The following KIFC3 variants were observed in gnomAD, a reference collection of about 807,000 sequenced individuals.
KIFC3 encodes kinesin family member C3, also known as kinesin-like protein KIFC3.
In KIFC3, 60 loss-of-function variants were observed where a neutral mutation model predicts 101.8. That is an observed-to-expected ratio of 0.59 (90% CI 0.48 to 0.73). The LOEUF is 0.73. Among genes scored for constraint, KIFC3 ranks in the 30% least tolerant of loss-of-function variants. The pLI, the probability that KIFC3 is intolerant of heterozygous loss-of-function variation, is 0.00. For synonymous variants in KIFC3, 476 were observed against 482.7 expected (o/e 0.99, Z 0.18); for missense variants, 966 against 1,137.1 (o/e 0.85, Z 2.16).
At position 57,834,707 on chromosome 16, in the gene KIFC3, G is replaced by A. The variant is rs79505070; in HGVS notation, c.108+28022C>T. 7.6e-3 allele frequency among the ~76,000 whole-genome samples: 1,149 copies of A among 152,014 alleles called. 12 individuals are homozygous for A. The highest frequency in any genetic ancestry group is 0.012 in the Non-Finnish European group (820 of 67,984). ...TTTATTTTTTATTTTTGTAGAGACC[G>A]GGTCTCACTATATTGGCCAGGTTGG... On this transcript the variant is annotated intron_variant, in intron 1 of 2. Transcript: ENST00000563028.
In KIFC3 at chr16:57,812,110, C is replaced by T. The variant is rs540680559; in HGVS notation, c.109-13828G>A. 2.0e-4 allele frequency among the ~76,000 whole-genome samples: 30 copies of T among 149,550 alleles called. No homozygotes were observed. In the South Asian group the frequency reaches 5.3e-3, roughly 26 times the overall value. On this transcript the variant is annotated intron_variant, in intron 1 of 2. Coordinates refer to the KIFC3 transcript ENST00000563028. ...AGGCTGGAGTGCAGTGGCGCGATCT[C>T]GGCTCACTGGAGGCTCCATCCCCTA...
intron 3 of KIFC3, among the ~76,000 whole-genome samples, chr16:57,777,592 G>C (rs2149044581): frequency 6.6e-6 from 1 of 152,228 alleles, no homozygotes; most frequent in Non-Finnish European, 1.5e-5. Context: ...CTCATGGCAG[G>C]CGCCTGTAAT....
intron 1 of KIFC3, among the ~76,000 whole-genome samples, chr16:57,829,158 A>T (rs2149290777): frequency 6.6e-6 from 1 of 152,382 alleles, no homozygotes; most frequent in Non-Finnish European, 1.5e-5. Flanking sequence ...TAATGATTTC[A>T]TATATAAAAT....
At chr16:57,857,810 C>T (rs1195004966) in intron 1 of KIFC3, among the ~76,000 whole-genome samples, 17 of 95,482 alleles carry the variant, frequency 1.8e-4, no homozygotes, top group South Asian at 3.8e-4. Flanking sequence ...TCTTTTCTTT[C>T]TTTCTTTCTT....
intron 3 of KIFC3, chr16:57,774,984 A>G: frequency 2.6e-6 from 4 of 1,533,932 alleles, no homozygotes; most frequent in Non-Finnish European, 3.5e-6. Context: ...ACTAACCTTG[A>G]TCATCTCCAC....
intron 1 of KIFC3, among the ~76,000 whole-genome samples, chr16:57,821,504 G>A (rs138460061): frequency 6.6e-6 from 1 of 151,990 alleles, no homozygotes; most frequent in Non-Finnish European, 1.5e-5. Context: ...CTTGAATTAG[G>A]AGGCAGTGAT....
chr16:57,764,291 G>A, intron 11 of KIFC3, 44 bp from the exon 12 acceptor site: 2 of 1,226,268 alleles, frequency 1.6e-6, no homozygotes, highest in Non-Finnish European at 2.3e-6. Flanking sequence ...GGCTTCCAGG[G>A]CCGCTGGGAC....
intron 1 of KIFC3, chr16:57,813,515 T>C (rs1269612978): frequency 2.5e-5 from 5 of 201,080 alleles, no homozygotes; most frequent in African/African-American, 1.2e-4. Context: ...CATGCCCACC[T>C]CCTGGGGCAA....
intron 1 of KIFC3, chr16:57,810,711 G>A: frequency 1.0e-6 from 1 of 984,984 alleles, no homozygotes; most frequent in Non-Finnish European, 1.2e-6. Context: ...ACAGCTTCAT[G>A]CCAGGCAAAG....
chr16:57,815,474 G>A, intron 1 of KIFC3: 3 of 1,223,590 alleles, frequency 2.5e-6, no homozygotes, highest in Non-Finnish European at 3.1e-6. Context: ...ACAAGACTCT[G>A]CCCATCACCC....
intron 1 of KIFC3, among the ~76,000 whole-genome samples, chr16:57,826,966 AGCT>A (rs1470979329): frequency 5.9e-5 from 9 of 152,314 alleles, no homozygotes; most frequent in East Asian, 1.9e-4. Context: ...CCCTCCCTGC[AGCT>A]GCTGCCTTGG....
intron 3 of KIFC3, among the ~76,000 whole-genome samples, chr16:57,792,001 G>C (rs966797821): frequency 6.6e-6 from 1 of 152,160 alleles, no homozygotes; most frequent in Non-Finnish European, 1.5e-5. Context: ...TCAGGGGCTG[G>C]GACAACAAGC....
chr16:57,766,858 G>C lies in KIFC3; in HGVS notation c.1330+16C>G, dbSNP rs782297232. The C allele has an allele frequency of 9.4e-6, 15 of 1,594,892 alleles. No homozygotes were observed. Among genetic ancestry groups the C allele is most frequent in the Non-Finnish European group, 1.3e-5 (15 of 1,170,656 alleles). On this transcript the variant is annotated intron_variant, in intron 10 of 19. Transcript: ENST00000445690. The stretch of plus-strand genomic sequence containing the variant: ...ACCCCGAGGCCAGCGCCCACCCCCA[G>C]CCCTCCTGCAGTCACCTTTCAGCCG...
intron 3 of KIFC3, chr16:57,775,343 C>T: frequency 8.8e-7 from 1 of 1,141,040 alleles, no homozygotes; most frequent in Non-Finnish European, 1.1e-6. Flanking sequence ...GACTGAGACG[C>T]AGCAGACTGG....
chr16:57,760,842 C>T lies in KIFC3; in HGVS notation c.2116G>A (p.Asp706Asn). 6.2e-7 allele frequency: 1 copy of T among 1,613,242 alleles called. No homozygotes were observed. The highest frequency in any genetic ancestry group is 8.5e-7 in the Non-Finnish European group (1 of 1,179,986). ...CGGGAGCGCAGGGCAGCAATGACGTCCCCCAGAGCCGACAGCGACTTGTTG... is the reference window on the plus strand; with the variant it reads ...CGGGAGCGCAGGGCAGCAATGACGTTCCCCAGAGCCGACAGCGACTTGTTG... The part of the protein sequence containing the change: ...HINKSLSALG[D>N]VIAALRSRQG... Residue 706 changes from aspartate (D) to asparagine (N), a missense_variant, in exon 16 of 20, where the codon GAC becomes AAC. Asp to Asn is a conservative substitution (Grantham distance 23). This residue lies in a region of KIFC3 where 689 missense variants were observed against 884.6 expected (regional missense o/e 0.78). Coordinates refer to ENST00000445690, the MANE Select transcript of KIFC3 (RefSeq NM_001130100.2).
At chr16:57,776,255 C>A in intron 3 of KIFC3, 3 of 985,508 alleles carry the variant, frequency 3.0e-6, no homozygotes, top group Non-Finnish European at 3.6e-6. Flanking sequence ...GGAAACTCAG[C>A]CCAGAGGCCA....
intron 1 of KIFC3, among the ~76,000 whole-genome samples, chr16:57,853,767 G>A (rs891815901): frequency 1.3e-5 from 2 of 152,148 alleles, no homozygotes; most frequent in African/African-American, 4.8e-5. Flanking sequence ...GAGTAGCTGG[G>A]ATTACAGGCG....
intron 1 of KIFC3, among the ~76,000 whole-genome samples, chr16:57,809,200 C>T (rs2055010773): frequency 6.6e-6 from 1 of 152,172 alleles, no homozygotes; most frequent in Non-Finnish European, 1.5e-5. Flanking sequence ...TTCTGAAGTG[C>T]AGACATCATA....
chr16:57,797,580 G>A, intron 2 of KIFC3: 1 of 509,742 alleles, frequency 2.0e-6, no homozygotes. Flanking sequence ...TGAGCACATG[G>A]ACCCCAAGCC....
Sources: allele counts gnomAD v4.1 joint callset (sites outside exome capture counted in the v4.1 genomes callset), GRCh38; gene constraint gnomAD v4.1.1; regional missense constraint gnomAD v4.1.1; transcripts MANE v1.5; gene names NCBI Gene and HGNC (gene_info 2026-07-23, HGNC 2026-07-21).